Variants in TENM3 observed in about 807,000 individuals in gnomAD.
TENM3 encodes the protein teneurin transmembrane protein 3, also known as teneurin-3.
TENM3 carries 63 observed loss-of-function variants against 255.1 expected under a neutral mutation model. The ratio of observed to expected loss-of-function variants is 0.25; its 90% CI spans 0.20 to 0.30. The LOEUF (loss-of-function observed/expected upper bound fraction) is 0.30, where lower values mean the gene tolerates loss of function less well. Among genes scored for constraint, TENM3 ranks in the 10% least tolerant of loss-of-function variants. TENM3 has a pLI of 1.00. For missense variants in TENM3, 2,929 were observed against 3,461.1 expected (o/e 0.85, Z 3.86); for synonymous variants, 1,306 against 1,322.3 (o/e 0.99, Z 0.27).
At chr4:182,373,219 G>C (rs1371816155) in intron 3 of TENM3, among the ~76,000 whole-genome samples, 3 of 152,186 alleles carry the variant, frequency 2.0e-5, no homozygotes, top group East Asian at 3.9e-4. Flanking sequence ...AGACAGAAAA[G>C]ACTCTGCTGG....
the TENM3 span, among the ~76,000 whole-genome samples, chr4:181,596,370 T>G: frequency 6.6e-6 from 1 of 152,202 alleles, no homozygotes; most frequent in Admixed American, 6.5e-5. Context: ...AGGAAGATTT[T>G]ACTTACAGAT....
the TENM3 span, among the ~76,000 whole-genome samples, chr4:181,621,979 A>C: frequency 6.6e-6 from 1 of 152,218 alleles, no homozygotes; most frequent in Admixed American, 6.5e-5. Flanking sequence ...TGACATACGC[A>C]CACAATAACT....
chr4:182,360,580 C>T (rs1474452972), intron 3 of TENM3, among the ~76,000 whole-genome samples: 4 of 152,080 alleles, frequency 2.6e-5, no homozygotes, highest in African/African-American at 9.7e-5. Context: ...CTTGGTAGGT[C>T]TTCCTCCATC....
In TENM3 at chr4:182,792,585, T is replaced by C. The variant is rs571803780; in HGVS notation, c.5913T>C (p.Asp1971=). The C allele has an allele frequency of 9.9e-6, 16 of 1,614,000 alleles. No homozygotes were observed. In the East Asian group the frequency reaches 1.1e-4, roughly 11 times the overall value. ...YDSTRVSFTY[D]ETAGVLKTVN... is the part of the protein sequence containing the mutation. ...GCACAAGAGTCAGTTTTACCTATGA[T>C]GAAACAGCAGGAGTCCTAAAGACAG... is the stretch of plus-strand genomic sequence containing the variant. Residue 1971 remains aspartate (D), a synonymous_variant, in exon 26 of 28, where the codon GAT becomes GAC. Coordinates refer to ENST00000511685, the MANE Select transcript of TENM3 (RefSeq NM_001080477.4). This position sits in a 1 kb window ranked among gnomAD's most constrained non-coding sequence, Gnocchi z 6.3.
the TENM3 span, among the ~76,000 whole-genome samples, chr4:181,729,508 T>C: frequency 2.6e-5 from 4 of 152,222 alleles, no homozygotes; most frequent in Non-Finnish European, 5.9e-5. Flanking sequence ...AGGTTGTTTT[T>C]ATTTGTTTTA....
the TENM3 span, among the ~76,000 whole-genome samples, chr4:181,715,941 C>T: frequency 6.6e-6 from 1 of 152,200 alleles, no homozygotes; most frequent in East Asian, 1.9e-4. Context: ...TCATCAGTCA[C>T]ATGGTCATCA....
chr4:181,624,638 A>G, the TENM3 span, among the ~76,000 whole-genome samples: 1 of 152,246 alleles, frequency 6.6e-6, no homozygotes, highest in African/African-American at 2.4e-5. Context: ...AAGCCACGGT[A>G]ACATTGGCTG....
the TENM3 span, among the ~76,000 whole-genome samples, chr4:182,083,897 A>C: frequency 1.3e-5 from 2 of 152,182 alleles, no homozygotes; most frequent in African/African-American, 4.8e-5. Flanking sequence ...TAGGAAATCC[A>C]GAATGGAGCT....
intron 3 of TENM3, among the ~76,000 whole-genome samples, chr4:182,540,778 T>A (rs1740802286): frequency 6.6e-6 from 1 of 152,170 alleles, no homozygotes; most frequent in South Asian, 2.1e-4. Flanking sequence ...GCTTCTGCTC[T>A]CATAGAACTT....
the TENM3 span, among the ~76,000 whole-genome samples, chr4:181,619,710 T>C: frequency 2.6e-5 from 4 of 152,144 alleles, no homozygotes; most frequent in African/African-American, 9.6e-5. Context: ...ATTACAGACA[T>C]GAGCCACTGT....
intron 6 of TENM3, among the ~76,000 whole-genome samples, chr4:182,670,222 T>G (rs184438305): frequency 6.6e-6 from 1 of 152,298 alleles, no homozygotes; most frequent in Non-Finnish European, 1.5e-5. Flanking sequence ...CTATGAATGA[T>G]CTACAGTTTA....
At chr4:182,640,031 G>A (rs570053062) in intron 5 of TENM3, among the ~76,000 whole-genome samples, 15 of 152,204 alleles carry the variant, frequency 9.9e-5, no homozygotes, top group African/African-American at 3.1e-4. Flanking sequence ...CGGAGGTTGC[G>A]GTGAGCTGAG....
chr4:181,946,233 T>C, the TENM3 span, among the ~76,000 whole-genome samples: 1,725 of 152,298 alleles, frequency 0.011, 31 homozygotes, highest in South Asian at 0.06. Flanking sequence ...ATTTTAATAT[T>C]TACCAGCTAC....
the TENM3 span, among the ~76,000 whole-genome samples, chr4:181,817,620 G>A: frequency 3.3e-5 from 5 of 152,120 alleles, no homozygotes; most frequent in Non-Finnish European, 7.3e-5. Context: ...GAAAGTGATC[G>A]GGTTACAAAG....
intron 3 of TENM3, among the ~76,000 whole-genome samples, chr4:182,385,857 A>G (rs1255060954): frequency 6.6e-6 from 1 of 152,200 alleles, no homozygotes; most frequent in African/African-American, 2.4e-5. Context: ...GGAAGAATAC[A>G]TTGCTATTTT....
the TENM3 span, among the ~76,000 whole-genome samples, chr4:181,577,128 T>C: frequency 1.5e-5 from 2 of 134,728 alleles, no homozygotes; most frequent in African/African-American, 2.8e-5. Context: ...AAATTATGTG[T>C]AATAATATAA....
the TENM3 span, among the ~76,000 whole-genome samples, chr4:181,656,854 T>C: frequency 6.6e-6 from 1 of 152,190 alleles, no homozygotes; most frequent in African/African-American, 2.4e-5. Flanking sequence ...TGAGAGTAGC[T>C]AAAATAGATT....
chr4:181,638,210 T>G, the TENM3 span, among the ~76,000 whole-genome samples: 1 of 152,224 alleles, frequency 6.6e-6, no homozygotes, highest in Non-Finnish European at 1.5e-5. Flanking sequence ...CCACACAGAC[T>G]GACATAGTGC....
Position 182,730,928 on chromosome 4 carries a change from G to A in TENM3, c.2756G>A (p.Arg919Gln). The A allele has an allele frequency of 2.5e-6, 4 of 1,613,816 alleles. No individual in the cohort carries two copies. Among genetic ancestry groups the A allele is most frequent in the Non-Finnish European group, 3.4e-6 (4 of 1,179,832 alleles). Residue 919 changes from arginine to glutamine, a missense_variant, in exon 16 of 28, where the codon CGA becomes CAA. Arg to Gln is a conservative substitution (Grantham distance 43, BLOSUM62 1). Transcript: ENST00000511685. ...GCCTCTCTAACTTTGGTATTTGAAC[G>A]ATCCCCATTCCTCACTCAGTATCAT... ...GGASLTLVFE[R>Q]SPFLTQYHTV...
Sources: gnomAD v4.1 joint callset for allele counts (sites outside exome capture counted in the v4.1 genomes callset) on GRCh38, gnomAD v4.1.1 for gene constraint, Gnocchi (gnomAD v3.1) non-coding constraint, MANE v1.5 for transcripts, NCBI Gene and HGNC (gene_info 2026-07-23, HGNC 2026-07-21) for gene names.